Variants in CDON observed in about 807,000 individuals in gnomAD.
The protein encoded by CDON is cell adhesion associated, oncogene regulated.
CDON carries 73 observed loss-of-function variants against 120.9 expected under a neutral mutation model. That is an observed-to-expected ratio of 0.60 (90% CI 0.50 to 0.73). CDON has a LOEUF of 0.73. CDON is among the 30% of genes least tolerant of loss of function. The pLI is 0.00. For missense variants in CDON, 1,470 were observed against 1,587.3 expected, an observed-to-expected ratio of 0.93 and a Z score of 1.26; for synonymous variants, 566 against 573.5, an observed-to-expected ratio of 0.99 and a Z score of 0.19.
At chr11:126,054,354 T>G (rs2134939315) in intron 1 of CDON, among the ~76,000 whole-genome samples, 2 of 152,350 alleles carry the variant, frequency 1.3e-5, no homozygotes, top group South Asian at 4.1e-4. Flanking sequence ...ACATACATTT[T>G]AAATATATAA....
In CDON at chr11:126,023,527, T is replaced by A. The variant is rs11822173; in HGVS notation, c.-51A>T. The A allele has an allele frequency of 7.8e-7, 1 of 1,277,848 alleles. No individual in the cohort carries two copies. Among genetic ancestry groups the A allele is most frequent in the Non-Finnish European group, 1.1e-6 (1 of 873,634 alleles). 79.2% of individuals were successfully genotyped at this position (1,277,848 alleles called of 1,614,324 possible). A position where few individuals can be genotyped will look rare whatever the true frequency, so the allele number is the denominator to read the frequency against. On this transcript the variant is annotated 5_prime_UTR_variant, in exon 2 of 20. Coordinates refer to ENST00000531738, the MANE Select transcript of CDON (RefSeq NM_001378964.1). ...GACAGGCTTCCAGAGCAAAACCCAG[T>A]CCTTGGTTCACTAAAAAAGAAAAAG...
At chr11:126,062,196 C>T (rs1181941066) in intron 1 of CDON, among the ~76,000 whole-genome samples, 3 of 152,192 alleles carry the variant, frequency 2.0e-5, no homozygotes, top group Non-Finnish European at 4.4e-5. Context: ...CTCGCGGGCG[C>T]TCTGCAGGGA....
chr11:126,026,280 C>T (rs1045559227), intron 1 of CDON, among the ~76,000 whole-genome samples: 5 of 152,204 alleles, frequency 3.3e-5, no homozygotes, highest in African/African-American at 9.6e-5. Flanking sequence ...TAAGTGCCTA[C>T]TATATGCCAG....
Position 126,017,282 on chromosome 11 carries a change from A to C in CDON, c.734T>G (p.Val245Gly). 1 of 1,614,098 alleles carries C rather than the reference A, an allele frequency of 6.2e-7. No individual in the cohort carries two copies. Among genetic ancestry groups the C allele is most frequent in the Non-Finnish European group, 8.5e-7 (1 of 1,180,018 alleles). Residue 245 changes from valine (V) to glycine (G), a missense_variant, in exon 6 of 20, where the codon GTG (valine) becomes GGG (glycine). By Grantham distance (109) the Val-to-Gly change is moderately radical. Coordinates refer to ENST00000531738, the MANE Select transcript of CDON (RefSeq NM_001378964.1). ...SRSPVTLECV[V>G]SGVPAPQVYW... ...CACTTGAGGAGCCGGGACCCCACTC[A>C]CCACACACTCCAAGGTTACAGGGCT...
intron 9 of CDON, 72 bp from the exon 10 acceptor site, chr11:126,004,148 A>G (rs961181401): frequency 1.4e-6 from 2 of 1,451,354 alleles, no homozygotes; most frequent in Non-Finnish European, 1.9e-6. Flanking sequence ...GTCACATTTG[A>G]TCAAAACTAG....
intron 6 of CDON, among the ~76,000 whole-genome samples, chr11:126,016,640 C>G (rs886434266): frequency 3.9e-5 from 6 of 152,004 alleles, no homozygotes; most frequent in African/African-American, 1.5e-4. Flanking sequence ...GCCATATTGC[C>G]CAAGATAGTG....
At chr11:125,984,260 A>C (rs1209209796) in intron 15 of CDON, among the ~76,000 whole-genome samples, 167 bp from the exon 16 acceptor site, 2 of 152,232 alleles carry the variant, frequency 1.3e-5, no homozygotes. Context: ...AAAGTTTAAA[A>C]ACTTGATGTG....
At chr11:126,035,671 TA>T (rs1288454160) in intron 1 of CDON, among the ~76,000 whole-genome samples, 1 of 152,054 alleles carries the variant, frequency 6.6e-6, no homozygotes, top group African/African-American at 2.4e-5. Context: ...TAAAATTAAG[TA>T]AAAACACAAA....
At chr11:126,049,522 A>G (rs616834) in intron 1 of CDON, among the ~76,000 whole-genome samples, 21,998 of 152,214 alleles carry the variant, frequency 0.14, 1,791 homozygotes, top group Middle Eastern at 0.25. Flanking sequence ...CCTTCTCAAT[A>G]TGGTCATCAG....
At chr11:125,981,360 GCACACA>G (rs375468390) in intron 16 of CDON, 31 bp from the exon 17 acceptor site, 2 of 1,351,514 alleles carry the variant, frequency 1.5e-6, no homozygotes, top group African/African-American at 1.4e-5. Flanking sequence ...AGACACACAC[GCACACA>G]CACACACGCA....
intron 1 of CDON, among the ~76,000 whole-genome samples, chr11:126,037,593 ACACT>A (rs1360404872): frequency 6.6e-6 from 1 of 152,188 alleles, no homozygotes; most frequent in Non-Finnish European, 1.5e-5. Context: ...ATTTCTTAAA[ACACT>A]CAATCTCTGA....
intron 8 of CDON, among the ~76,000 whole-genome samples, chr11:126,008,267 A>G (rs1333404421): frequency 4.6e-5 from 7 of 152,222 alleles, no homozygotes; most frequent in African/African-American, 1.7e-4. Flanking sequence ...TCCCCTTTAC[A>G]GTACAGTAGT....
At chr11:125,961,257 CAG>C in intron 19 of CDON, 152 bp from the exon 20 acceptor site, 1 of 754,264 alleles carries the variant, frequency 1.3e-6, no homozygotes, top group Non-Finnish European at 2.3e-6. Flanking sequence ...TTGAGGGCGA[CAG>C]AAGGTTTAAA....
intron 1 of CDON, among the ~76,000 whole-genome samples, chr11:126,041,188 TAAA>T (rs562515383): frequency 2.1e-5 from 2 of 94,074 alleles, no homozygotes. Flanking sequence ...TGAGACTGTC[TAAA>T]AAAAAAAAAA....
At chr11:125,997,132 C>A (rs1054103835) in intron 12 of CDON, 75 bp downstream of exon 12, 33 of 1,177,498 alleles carry the variant, frequency 2.8e-5, no homozygotes, top group Non-Finnish European at 3.6e-5. Flanking sequence ...AGAGTGAGAC[C>A]CTGTCTCAAA....
Position 125,984,000 on chromosome 11 carries a change from G to T in CDON, c.2867C>A (p.Thr956Asn). Residue 956 changes from threonine to asparagine, a missense_variant, in exon 16 of 20, where the codon ACC becomes AAC. Thr to Asn is a moderately conservative substitution (Grantham distance 65). Coordinates refer to ENST00000531738, the MANE Select transcript of CDON (RefSeq NM_001378964.1). ...LGSGGNVGPATSPARSSDMLY... is the reference protein window; with the variant it reads ...LGSGGNVGPANSPARSSDMLY... Reference sequence around the variant, plus strand: ...CATGTCACTGCTTCTGGCAGGGCTGGTTGCAGGCCCCACATTTCCTCCACT... The same window carrying T: ...CATGTCACTGCTTCTGGCAGGGCTGTTTGCAGGCCCCACATTTCCTCCACT... The T allele has an allele frequency of 6.2e-7, 1 of 1,614,102 alleles. No homozygotes were observed. The highest frequency in any genetic ancestry group is 8.5e-7 in the Non-Finnish European group (1 of 1,179,952).
At chr11:126,057,627 G>C (rs893291772) in intron 1 of CDON, among the ~76,000 whole-genome samples, 1 of 152,208 alleles carries the variant, frequency 6.6e-6, no homozygotes, top group Non-Finnish European at 1.5e-5. Flanking sequence ...GGTTACCACA[G>C]ACATGTGCAT....
At chr11:126,040,817 A>C (rs1452844909) in intron 1 of CDON, among the ~76,000 whole-genome samples, 48 of 45,036 alleles carry the variant, frequency 1.1e-3, no homozygotes, top group African/African-American at 3.6e-3. Context: ...TCCGTCTCAA[A>C]AAAAAAAAAA....
intron 17 of CDON, among the ~76,000 whole-genome samples, chr11:125,979,338 A>G (rs1324775199): frequency 1.3e-5 from 2 of 152,248 alleles, no homozygotes; most frequent in African/African-American, 2.4e-5. Context: ...AACCAGCAAC[A>G]GGAATTATTA....
Sources: allele counts gnomAD v4.1 joint callset (sites outside exome capture counted in the v4.1 genomes callset), GRCh38; gene constraint gnomAD v4.1.1; transcripts MANE v1.5; gene names NCBI Gene and HGNC (gene_info 2026-07-23, HGNC 2026-07-21).